SSX3: variants seen among roughly 807,000 people sequenced by gnomAD.
The protein encoded by SSX3 is protein SSX3.
A neutral mutation model predicts 14.8 loss-of-function variants in SSX3; 6 were observed. The ratio of observed to expected loss-of-function variants is 0.41; its 90% CI spans 0.22 to 0.80. The LOEUF (loss-of-function observed/expected upper bound fraction) is 0.80. Ranked by LOEUF, SSX3 falls within the 30% of genes least tolerant of loss-of-function variation. SSX3 has a pLI of 0.34. For missense variants in SSX3, 163 were observed against 152.2 expected, an observed-to-expected ratio of 1.07 and a Z score of -0.37; for synonymous variants, 55 against 52.9, an observed-to-expected ratio of 1.04 and a Z score of -0.18.
chrX:48,351,370 C>T (rs2061262419), intron 5 of SSX3, among the ~76,000 whole-genome samples: 2 of 111,296 alleles, frequency 1.8e-5, no homozygotes, highest in South Asian at 3.8e-4. Flanking sequence ...GCAGACAAGG[C>T]ACTCAAGGAG....
At chrX:48,347,303 G>T (rs1422637383) in intron 7 of SSX3, among the ~76,000 whole-genome samples, 197 bp downstream of exon 7, 1 of 112,612 alleles carries the variant, frequency 8.9e-6, no homozygotes, top group African/African-American at 3.2e-5. Context: ...AGCATCCTGG[G>T]TAGGGAGCAT....
At chrX:48,356,195 G>T (rs1218254861) in intron 1 of SSX3, among the ~76,000 whole-genome samples, 1 of 111,321 alleles carries the variant, frequency 9.0e-6, no homozygotes, top group African/African-American at 3.3e-5. Flanking sequence ...GGTGGTGCGC[G>T]CCTGTAGTCC....
intron 5 of SSX3, among the ~76,000 whole-genome samples, chrX:48,350,911 C>G (rs2061259963): frequency 9.2e-6 from 1 of 109,152 alleles, no homozygotes. Flanking sequence ...TCTGGGACTA[C>G]AGGCAGGCAC....
intron 5 of SSX3, among the ~76,000 whole-genome samples, chrX:48,351,684 A>G (rs1244184365): frequency 8.9e-6 from 1 of 112,416 alleles, no homozygotes; most frequent in Non-Finnish European, 1.9e-5. Context: ...GTTGCTGATA[A>G]CTATGATCTA....
chrX:48,354,332 GGT>G (rs1280462147), intron 3 of SSX3, among the ~76,000 whole-genome samples: 2 of 107,372 alleles, frequency 1.9e-5, no homozygotes, highest in East Asian at 5.8e-4. Context: ...AGGTAGAGTG[GGT>G]GTGTGTGGGG....
chrX:48,349,804 T>A lies in SSX3; in HGVS notation c.466+183A>T, dbSNP rs782027419. 5 of 1,130,154 alleles carry A rather than the reference T, an allele frequency of 4.4e-6. No homozygotes were observed. In the African/African-American group the frequency reaches 5.6e-5, roughly 13 times the overall value. 93.1% of individuals were successfully genotyped at this position (1,130,154 alleles called of 1,213,427 possible). A position where few individuals can be genotyped will look rare whatever the true frequency, so the allele number is the denominator to read the frequency against. On this transcript the variant is annotated intron_variant, in intron 6 of 7. Coordinates refer to ENST00000298396, the MANE Select transcript of SSX3 (RefSeq NM_021014.4). Reference sequence around the variant, plus strand: ...TTCCTCAAGTCACGTGGTTTTTTTTTATATGGATGACAACTCCAGTCTGTC... The same window carrying A: ...TTCCTCAAGTCACGTGGTTTTTTTTAATATGGATGACAACTCCAGTCTGTC...
chrX:48,348,811 C>A (rs2061249275), intron 6 of SSX3, among the ~76,000 whole-genome samples: 1 of 112,355 alleles, frequency 8.9e-6, no homozygotes. Context: ...TGAAACCAGC[C>A]ACAACATTCC....
At position 48,346,836 on chromosome X, in the gene SSX3, A is replaced by C; in HGVS notation, c.*204T>G. 1.5e-6 allele frequency: 1 copy of C among 661,357 alleles called. No individual in the cohort carries two copies. The highest frequency in any genetic ancestry group is 2.5e-5 in the South Asian group (1 of 39,376). The allele number at this position is 661,357 out of a possible 1,213,427, so 54.5% of individuals were successfully genotyped here. A position where few individuals can be genotyped will look rare whatever the true frequency, so the allele number is the denominator to read the frequency against. On this transcript the variant is annotated 3_prime_UTR_variant, in exon 8 of 8. Transcript: ENST00000298396. ...AAATGTTAATATCTAACAGAATGAC[A>C]CACTTCAAGAAAATACAATGGAAAC...
chrX:48,348,436 G>A (rs2061247653), intron 6 of SSX3: 1 of 517,140 alleles, frequency 1.9e-6, no homozygotes, highest in African/African-American at 2.3e-5. Flanking sequence ...CTTTTCTTGG[G>A]CCTCCCTATT....
At chrX:48,353,697 C>G in intron 4 of SSX3, among the ~76,000 whole-genome samples, 1 of 111,500 alleles carries the variant, frequency 9.0e-6, no homozygotes, top group Non-Finnish European at 1.9e-5. Flanking sequence ...CTCAGCAATC[C>G]CTGCCCTCCC....
chrX:48,351,428 A>G (rs1230542236), intron 5 of SSX3, among the ~76,000 whole-genome samples: 2 of 112,168 alleles, frequency 1.8e-5, no homozygotes, highest in Non-Finnish European at 3.8e-5. Context: ...TAAGCCATGC[A>G]AGTGGCCCCA....
chrX:48,350,596 G>C (rs1317291849), intron 5 of SSX3, among the ~76,000 whole-genome samples: 14 of 109,651 alleles, frequency 1.3e-4, no homozygotes, highest in Non-Finnish European at 3.8e-5. Context: ...GGAAGGGAGA[G>C]GGAAATAAAT....
chrX:48,347,008 A>C lies in SSX3; in HGVS notation c.*32T>G. 6 of 1,198,145 alleles carry C rather than the reference A, an allele frequency of 5.0e-6. No homozygotes were observed. The highest frequency in any genetic ancestry group is 6.7e-6 in the Non-Finnish European group (6 of 895,290). ...GAAAGGTCACCACGTTCTGCTTCTC[A>C]TCATGGGCATGTGTCATATCCCCAA... On this transcript the variant is annotated 3_prime_UTR_variant, in exon 8 of 8. Coordinates refer to ENST00000298396, the MANE Select transcript of SSX3 (RefSeq NM_021014.4).
intron 2 of SSX3, 134 bp from the exon 3 acceptor site, chrX:48,354,880 C>T (rs2061279677): frequency 6.9e-5 from 82 of 1,191,008 alleles, no homozygotes; most frequent in Middle Eastern, 4.7e-4. Flanking sequence ...GGCTAACTGA[C>T]AGAACATGAG....
At position 48,354,128 on chromosome X, in the gene SSX3, A is replaced by G. The variant is rs782434592; in HGVS notation, c.185-34T>C. The G allele has an allele frequency of 4.4e-6, 5 of 1,138,888 alleles. No homozygotes were observed. In the Admixed American group the frequency reaches 6.7e-5, roughly 15 times the overall value. The allele number at this position is 1,138,888 out of a possible 1,213,427, so 93.9% of individuals were successfully genotyped here. A position where few individuals can be genotyped will look rare whatever the true frequency, so the allele number is the denominator to read the frequency against. ...AAGCAAAATGTTTATTCCTTAAGAG[A>G]CAAGCTTGGGCCTGGTACGGTGGCT... On this transcript the variant is annotated intron_variant, in intron 3 of 7. Coordinates refer to ENST00000298396, the MANE Select transcript of SSX3 (RefSeq NM_021014.4).
chrX:48,352,256 G>T (rs150067040), intron 4 of SSX3, 107 bp from the exon 5 acceptor site: 34 of 916,567 alleles, frequency 3.7e-5, no homozygotes, highest in Middle Eastern at 4.1e-4. Context: ...ATGAGTCCAC[G>T]CATTGTTGAG....
intron 6 of SSX3, 54 bp downstream of exon 6, chrX:48,349,933 C>T: frequency 8.3e-7 from 1 of 1,207,945 alleles, no homozygotes; most frequent in Non-Finnish European, 1.1e-6. Flanking sequence ...AGTCCACACA[C>T]CTGAACGTCG....
rs1207234080 is a variant in SSX3 at position 48,347,347 on chromosome X, G to A, written c.*4+153C>T. 4.4e-5 allele frequency among the ~76,000 whole-genome samples: 5 copies of A among 112,433 alleles called. No individual in the cohort carries two copies. The Admixed American group carries it at 4.7e-4, about 11-fold the overall frequency. On this transcript the variant is annotated intron_variant, in intron 7 of 7. Transcript: ENST00000298396. ...ATATACAGGGCAGGGAGTAGAAAGA[G>A]CATGGGAAATCTCATCATTCAGCCT...
At chrX:48,349,769 T>C (rs2061253971) in intron 6 of SSX3, 5 of 1,131,690 alleles carry the variant, frequency 4.4e-6, no homozygotes, top group East Asian at 6.0e-5. Context: ...CTGAGGAAAT[T>C]TGGAAGACTT....
Sources: gnomAD v4.1 joint callset for allele counts (sites outside exome capture counted in the v4.1 genomes callset) on GRCh38, gnomAD v4.1.1 for gene constraint, MANE v1.5 for transcripts, NCBI Gene and HGNC (gene_info 2026-07-23, HGNC 2026-07-21) for gene names.